Variants in CHIC1 observed in about 807,000 individuals in gnomAD.
The protein encoded by CHIC1 is cysteine-rich hydrophobic domain-containing protein 1.
Under a neutral mutation model 18.5 loss-of-function variants are expected in CHIC1, and 7 were observed. The observed-to-expected ratio is 0.38, with a 90% CI of 0.22 to 0.71. The LOEUF (loss-of-function observed/expected upper bound fraction) is 0.71. Among genes scored for constraint, CHIC1 ranks in the 30% least tolerant of loss-of-function variants. CHIC1 has a pLI of 0.49. For synonymous variants in CHIC1, 77 were observed against 73.5 expected, an observed-to-expected ratio of 1.05 and a Z score of -0.25; for missense variants, 159 against 176.9, an observed-to-expected ratio of 0.90 and a Z score of 0.57.
chrX:73,637,289 T>G (rs1156970285), intron 3 of CHIC1, among the ~76,000 whole-genome samples: 2 of 109,041 alleles, frequency 1.8e-5, no homozygotes, highest in Non-Finnish European at 3.8e-5. Flanking sequence ...CTCTTGCTGA[T>G]TTTAAGTTTT....
intron 3 of CHIC1, among the ~76,000 whole-genome samples, chrX:73,595,979 A>G (rs2057606104): frequency 9.0e-6 from 1 of 111,638 alleles, no homozygotes; most frequent in South Asian, 3.7e-4. Context: ...TCTTCTTTTG[A>G]GAAATGTCTG....
chrX:73,671,606 G>A (rs931024977), intron 3 of CHIC1, among the ~76,000 whole-genome samples: 1 of 110,955 alleles, frequency 9.0e-6, no homozygotes, highest in African/African-American at 3.3e-5. Flanking sequence ...TTCAGTTCTA[G>A]AATTTCTGTT....
chrX:73,659,592 T>TATTGTAATTAATCTAATTGTATCACTA (rs1344289426), intron 3 of CHIC1, among the ~76,000 whole-genome samples: 2 of 110,837 alleles, frequency 1.8e-5, no homozygotes, highest in Non-Finnish European at 3.8e-5. Context: ...AAATTAGATA[T>TATTGTAATTAATCTAATTGTATCACTA]ATTGTAATTA....
chrX:73,627,216 C>T (rs150265032), intron 3 of CHIC1, among the ~76,000 whole-genome samples: 2 of 111,498 alleles, frequency 1.8e-5, no homozygotes, highest in African/African-American at 6.5e-5. Context: ...GACATAAGCA[C>T]CCCTGTGGCC....
Position 73,685,808 on chromosome X carries a change from T to C in CHIC1, c.*4803T>C, listed in dbSNP as rs1469769017. Reference sequence around the variant, plus strand: ...CAGAATGACTATTGCACTTGGTCTATTGTTTTAATAGTAAATTTTGTTATT... The same window carrying C: ...CAGAATGACTATTGCACTTGGTCTACTGTTTTAATAGTAAATTTTGTTATT... On this transcript the variant is annotated 3_prime_UTR_variant, in exon 6 of 6. Transcript: ENST00000373502. 2.7e-5 allele frequency: 3 copies of C among 111,696 alleles called. No homozygotes were observed. Among genetic ancestry groups the C allele is most frequent in the Non-Finnish European group, 3.8e-5 (2 of 52,977 alleles). 9.2% of individuals were successfully genotyped at this position (111,696 alleles called of 1,213,427 possible).
At chrX:73,568,075 C>T (rs1322392448) in intron 1 of CHIC1, among the ~76,000 whole-genome samples, 1 of 111,667 alleles carries the variant, frequency 9.0e-6, no homozygotes, top group Non-Finnish European at 1.9e-5. Context: ...CCACGTAGTA[C>T]AAACAATACT....
intron 3 of CHIC1, among the ~76,000 whole-genome samples, chrX:73,650,553 T>G (rs2057911091): frequency 9.1e-6 from 1 of 109,858 alleles, no homozygotes; most frequent in Non-Finnish European, 1.9e-5. Flanking sequence ...TATAAACACC[T>G]CTCCACAAAT....
At chrX:73,603,414 G>A (rs1047881037) in intron 3 of CHIC1, among the ~76,000 whole-genome samples, 20 of 108,197 alleles carry the variant, frequency 1.8e-4, no homozygotes, top group Non-Finnish European at 3.4e-4. Flanking sequence ...AGACGCTGGG[G>A]TTTTTTAAAT....
intron 3 of CHIC1, among the ~76,000 whole-genome samples, chrX:73,592,305 C>T (rs1174062833): frequency 2.7e-5 from 3 of 111,071 alleles, no homozygotes; most frequent in Non-Finnish European, 5.7e-5. Flanking sequence ...GGAAATGGTT[C>T]CAGCTTTTGC....
intron 3 of CHIC1, among the ~76,000 whole-genome samples, chrX:73,603,313 G>T (rs1310603462): frequency 9.2e-6 from 1 of 108,180 alleles, no homozygotes. Flanking sequence ...TCTATTATTG[G>T]TATATAGGAA....
chrX:73,684,489 AAAAT>A lies in CHIC1; in HGVS notation c.*3488_*3491del, dbSNP rs2147638232. ...GTTTACAAATAAGCTGCCATTTAAA[AAAAT>A]AAAACCTCACTACTTGAACATAAAG... On this transcript the variant is annotated 3_prime_UTR_variant, in exon 6 of 6. Transcript: ENST00000373502. The A allele has an allele frequency of 9.0e-6, 1 of 111,621 alleles. No homozygotes were observed. The highest frequency in any genetic ancestry group is 3.2e-5 in the African/African-American group (1 of 30,891). The allele number at this position is 111,621 out of a possible 1,213,427, so 9.2% of individuals were successfully genotyped here.
At position 73,669,577 on chromosome X, in the gene CHIC1, G is replaced by A. The variant is rs867040420; in HGVS notation, c.508-9749G>A. ...TAATAGTTGCCTGCAGGCGTGGCTG[G>A]AGGATCCGCCTGGGAGGTCCTGCCC... On this transcript the variant is annotated intron_variant, in intron 3 of 5. Transcript: ENST00000373502. Among the ~76,000 whole-genome samples the A allele has an allele frequency of 2.2e-4, 24 of 108,487 alleles. 1 individual carries two copies. The highest frequency in any genetic ancestry group is 4.9e-4 in the Admixed American group (5 of 10,238). 94.2% of individuals were successfully genotyped at this position (108,487 alleles called of 115,157 possible). A position where few individuals can be genotyped will look rare whatever the true frequency, so the allele number is the denominator to read the frequency against.
In CHIC1 at chrX:73,666,425, G is replaced by A. The variant is rs374595366; in HGVS notation, c.508-12901G>A. ...TCAAGGGTAGGAAGCATCCAGCATG[G>A]GAGAAAGATGTAGGCTGGGAGGCTA... On this transcript the variant is annotated intron_variant, in intron 3 of 5. Coordinates refer to ENST00000373502, the MANE Select transcript of CHIC1 (RefSeq NM_001039840.4). 6.8e-4 allele frequency among the ~76,000 whole-genome samples: 76 copies of A among 112,040 alleles called. 1 individual carries two copies. In the South Asian group the frequency reaches 0.029, roughly 42 times the overall value.
intron 5 of CHIC1, among the ~76,000 whole-genome samples, chrX:73,680,435 A>G (rs2058092881): frequency 9.0e-6 from 1 of 111,547 alleles, no homozygotes; most frequent in African/African-American, 3.2e-5. Flanking sequence ...CGAGTTTTTT[A>G]AAATTATGTT....
At chrX:73,633,464 C>T (rs769682269) in intron 3 of CHIC1, among the ~76,000 whole-genome samples, 3 of 111,486 alleles carry the variant, frequency 2.7e-5, no homozygotes, top group African/African-American at 6.5e-5. Flanking sequence ...CTTTCAAAAT[C>T]GTCTGTTTTT....
chrX:73,604,441 C>G (rs925058219), intron 3 of CHIC1, among the ~76,000 whole-genome samples: 1 of 107,947 alleles, frequency 9.3e-6, no homozygotes, highest in Admixed American at 9.8e-5. Context: ...TTTTGTTAAT[C>G]TTTTCAAAAA....
intron 3 of CHIC1, among the ~76,000 whole-genome samples, chrX:73,629,520 T>C (rs1181996411): frequency 8.9e-6 from 1 of 112,260 alleles, no homozygotes; most frequent in Non-Finnish European, 1.9e-5. Flanking sequence ...CCTTTGCAAA[T>C]GGATATACAG....
At chrX:73,680,018 A>G (rs2058090005) in intron 5 of CHIC1, among the ~76,000 whole-genome samples, 1 of 111,118 alleles carries the variant, frequency 9.0e-6, no homozygotes. Context: ...CTGCTGTTGA[A>G]CAAATATTTC....
At position 73,597,966 on chromosome X, in the gene CHIC1, CT is replaced by C. The variant is rs749462743; in HGVS notation, c.507+13395del. ...AACATGAACTCATTCTTTTTTATGGCTGCATAGTATTCCATGGTGTACATGT... is the reference window on the plus strand; with the variant it reads ...AACATGAACTCATTCTTTTTTATGGCGCATAGTATTCCATGGTGTACATGT... On this transcript the variant is annotated intron_variant, in intron 3 of 5. Transcript: ENST00000373502. 4.9e-4 allele frequency among the ~76,000 whole-genome samples: 55 copies of C among 111,620 alleles called. No homozygotes were observed. In the East Asian group the frequency reaches 9.6e-3, roughly 20 times the overall value.
Sources: allele counts gnomAD v4.1 joint callset (sites outside exome capture counted in the v4.1 genomes callset), GRCh38; gene constraint gnomAD v4.1.1; transcripts MANE v1.5; gene names NCBI Gene and HGNC (gene_info 2026-07-23, HGNC 2026-07-21).